Variants in DRG1 observed in about 807,000 individuals in gnomAD.
DRG1 encodes developmentally-regulated GTP-binding protein 1.
In DRG1, 19 loss-of-function variants were observed where a neutral mutation model predicts 38.8. The observed-to-expected ratio is 0.49, with a 90% CI of 0.34 to 0.72. The LOEUF (loss-of-function observed/expected upper bound fraction) is 0.72. Ranked by LOEUF, DRG1 falls within the 30% of genes least tolerant of loss-of-function variation. The pLI, the probability that DRG1 is intolerant of heterozygous loss-of-function variation, is 0.01. For synonymous variants in DRG1, 167 were observed against 157.5 expected, an observed-to-expected ratio of 1.06 and a Z score of -0.45; for missense variants, 299 against 444.8, an observed-to-expected ratio of 0.67 and a Z score of 2.95.
intron 3 of DRG1, among the ~76,000 whole-genome samples, chr22:31,405,633 C>G (rs2049985258): frequency 6.6e-6 from 1 of 151,134 alleles, no homozygotes; most frequent in Non-Finnish European, 1.5e-5. Flanking sequence ...CTTTTGAGTT[C>G]TTGCTAACAT....
At chr22:31,408,095 C>T (rs2049999129) in intron 3 of DRG1, among the ~76,000 whole-genome samples, 1 of 148,500 alleles carries the variant, frequency 6.7e-6, no homozygotes, top group South Asian at 2.2e-4. Context: ...CACCGCACTC[C>T]AGCCTGGGTG....
intron 8 of DRG1, among the ~76,000 whole-genome samples, chr22:31,431,724 A>T (rs1422824387): frequency 6.6e-6 from 1 of 152,206 alleles, no homozygotes; most frequent in Non-Finnish European, 1.5e-5. Flanking sequence ...GTACTGAGAG[A>T]GTGAAGTCCT....
At chr22:31,417,518 A>G (rs1264154506) in intron 4 of DRG1, among the ~76,000 whole-genome samples, 1 of 151,726 alleles carries the variant, frequency 6.6e-6, no homozygotes, top group Non-Finnish European at 1.5e-5. Context: ...TGTCTGTACT[A>G]AAAATACAAA....
intron 4 of DRG1, among the ~76,000 whole-genome samples, chr22:31,412,011 G>A (rs1282841669): frequency 1.3e-5 from 2 of 151,680 alleles, no homozygotes; most frequent in Non-Finnish European, 2.9e-5. Flanking sequence ...GCTACTTCAG[G>A]CCGGGCACTG....
At chr22:31,428,235 G>A (rs1027319983) in intron 8 of DRG1, among the ~76,000 whole-genome samples, 4 of 149,306 alleles carry the variant, frequency 2.7e-5, no homozygotes, top group Non-Finnish European at 5.9e-5. Flanking sequence ...TTTTTGAGAC[G>A]GAGTCTCGCT....
In DRG1 at chr22:31,426,764, A is replaced by G. The variant is rs1478294659; in HGVS notation, c.863A>G (p.Tyr288Cys). 8 of 1,614,026 alleles carry G rather than the reference A, an allele frequency of 5.0e-6. No individual in the cohort carries two copies. The highest frequency in any genetic ancestry group is 2.2e-5 in the East Asian group (1 of 44,890). ...FDDLLEKIWD[Y>C]LKLVRIYTKP... ...GACCTATTGGAAAAGATCTGGGACTATCTGAAACTAGTGAGAATGTAAGTC... is the reference window on the plus strand; with the variant it reads ...GACCTATTGGAAAAGATCTGGGACTGTCTGAAACTAGTGAGAATGTAAGTC... Residue 288 changes from tyrosine (Y) to cysteine (C), a missense_variant, in exon 7 of 9, where the codon TAT becomes TGT. Tyr to Cys is a radical substitution (Grantham distance 194, BLOSUM62 -2). Coordinates refer to ENST00000331457, the MANE Select transcript of DRG1 (RefSeq NM_004147.4).
chr22:31,427,631 T>G (rs1027365730), intron 8 of DRG1, among the ~76,000 whole-genome samples: 1 of 152,280 alleles, frequency 6.6e-6, no homozygotes, highest in East Asian at 1.9e-4. Context: ...AGTGGTGAGA[T>G]CATAGCTCAC....
At chr22:31,403,932 C>T (rs1387434707) in intron 3 of DRG1, among the ~76,000 whole-genome samples, 1 of 147,760 alleles carries the variant, frequency 6.8e-6, no homozygotes, top group Non-Finnish European at 1.5e-5. Context: ...TAGCTGGTTT[C>T]AGAGTCTTGT....
rs2049972576 is a variant in DRG1 at position 31,403,283 on chromosome 22, T to G, written c.342+79T>G. On this transcript the variant is annotated intron_variant, in intron 3 of 8. Transcript: ENST00000331457. ...AGAAGTTTATTGGGAGCTCACTGTA[T>G]GCCAGGCCTGATCTTTGATCTACCA... 3 of 1,429,816 alleles carry G rather than the reference T, an allele frequency of 2.1e-6. No homozygotes were observed. The East Asian group carries it at 7.2e-5, about 34-fold the overall frequency. 88.6% of individuals were successfully genotyped at this position (1,429,816 alleles called of 1,614,324 possible).
chr22:31,425,075 C>T (rs2050102467), intron 6 of DRG1, among the ~76,000 whole-genome samples: 1 of 152,186 alleles, frequency 6.6e-6, no homozygotes, highest in South Asian at 2.1e-4. Flanking sequence ...GGATTACAGG[C>T]GTCAGTCACC....
chr22:31,421,985 C>T (rs1046375394), intron 5 of DRG1, among the ~76,000 whole-genome samples: 1 of 151,840 alleles, frequency 6.6e-6, no homozygotes, highest in Admixed American at 6.6e-5. Context: ...CATGGTGGCA[C>T]GCACTTGTAA....
intron 4 of DRG1, among the ~76,000 whole-genome samples, chr22:31,419,416 C>T (rs1233186839): frequency 6.6e-6 from 1 of 151,294 alleles, no homozygotes; most frequent in Non-Finnish European, 1.5e-5. Context: ...TCTCAAACTC[C>T]TGGCTCCAAG....
intron 8 of DRG1, among the ~76,000 whole-genome samples, chr22:31,432,421 G>T (rs1423843503): frequency 6.7e-6 from 1 of 149,038 alleles, no homozygotes; most frequent in African/African-American, 2.5e-5. Flanking sequence ...TTTTTTGTGT[G>T]TGTGTGTGTT....
rs117284420 is a variant in DRG1 at position 31,431,476 on chromosome 22, G to T, written c.1005-2396G>T. 7.5e-4 allele frequency among the ~76,000 whole-genome samples: 114 copies of T among 152,226 alleles called. 1 individual carries two copies. The East Asian group carries it at 0.02, about 26-fold the overall frequency. ...GTCCAGGAGTGTGAGATCAGACTAG[G>T]CAATATAGTGAGACCCCGTTTTTAT... On this transcript the variant is annotated intron_variant, in intron 8 of 8. Transcript: ENST00000331457.
At chr22:31,419,738 T>C (rs1055380106) in intron 4 of DRG1, among the ~76,000 whole-genome samples, 1 of 152,100 alleles carries the variant, frequency 6.6e-6, no homozygotes, top group African/African-American at 2.4e-5. Flanking sequence ...CCTCAATAAA[T>C]TTGGTTAAAA....
Position 31,400,645 on chromosome 22 carries a change from C to A in DRG1, c.68C>A (p.Ala23Asp), listed in dbSNP as rs2049955895. The A allele has an allele frequency of 6.2e-7, 1 of 1,613,048 alleles. No homozygotes were observed. The highest frequency in any genetic ancestry group is 1.7e-5 in the Admixed American group (1 of 59,912). Reference protein sequence around the residue: ...AEMARTQKNKATAHHLGLLKA... With the variant: ...AEMARTQKNKDTAHHLGLLKA... ...ATGGCTCGGACTCAAAAGAACAAGG[C>A]CACAGCACACCACTTAGGGCTGCTT... The change falls in exon 2 of 9, where the codon GCC becomes GAC. Residue 23 changes from alanine (A) to aspartate (D), a missense_variant. Ala to Asp is a moderately radical substitution (Grantham distance 126). This residue lies in a region of DRG1 where 51 missense variants were observed against 56.1 expected (regional missense o/e 0.91). Transcript: ENST00000331457.
At chr22:31,422,532 A>AT (rs1491317265) in intron 5 of DRG1, among the ~76,000 whole-genome samples, 1 of 152,214 alleles carries the variant, frequency 6.6e-6, no homozygotes, top group Non-Finnish European at 1.5e-5. Context: ...GAAGCCAAGT[A>AT]AAGTGTTTCA....
chr22:31,410,529 A>G (rs570356712), intron 3 of DRG1, among the ~76,000 whole-genome samples: 15 of 151,680 alleles, frequency 9.9e-5, no homozygotes, highest in African/African-American at 3.4e-4. Context: ...AAAAACGCCT[A>G]TAGGCTGGGC....
intron 4 of DRG1, 24 bp from the exon 5 acceptor site, chr22:31,420,232 G>GT (rs751996339): frequency 7.5e-6 from 12 of 1,606,456 alleles, no homozygotes; most frequent in Admixed American, 1.7e-5. Context: ...ACTTTCTTGC[G>GT]TATGTTTTTT....
Sources: allele counts gnomAD v4.1 joint callset (sites outside exome capture counted in the v4.1 genomes callset), GRCh38; gene constraint gnomAD v4.1.1; regional missense constraint gnomAD v4.1.1; transcripts MANE v1.5; gene names NCBI Gene and HGNC (gene_info 2026-07-23, HGNC 2026-07-21).